AFF1: variants seen among roughly 807,000 people sequenced by gnomAD.
AFF1 encodes ALF transcription elongation factor 1.
In AFF1, 48 loss-of-function variants were observed where a neutral mutation model predicts 121.7. The ratio of observed to expected loss-of-function variants is 0.39; its 90% confidence interval spans 0.31 to 0.50. The LOEUF (loss-of-function observed/expected upper bound fraction) is 0.50. AFF1 is among the 20% of genes least tolerant of loss of function. The probability of loss-of-function intolerance (pLI) is 0.76; values close to 1 mark genes in which losing one functional copy is unlikely to be tolerated. For missense variants in AFF1, 1,523 were observed against 1,511.7 expected (o/e 1.01, Z -0.12); for synonymous variants, 613 against 563.0 (o/e 1.09, Z -1.26).
chr4:87,089,174 G>A (rs1261012486), intron 5 of AFF1, among the ~76,000 whole-genome samples: 1 of 152,152 alleles, frequency 6.6e-6, no homozygotes, highest in Non-Finnish European at 1.5e-5. Context: ...TGGGGTTGTA[G>A]TTAATGGTCT....
chr4:87,073,280 CAAAAAAAAAAAAAAAAAAAA>C (rs55821662), intron 4 of AFF1, among the ~76,000 whole-genome samples: 26 of 83,686 alleles, frequency 3.1e-4, no homozygotes, highest in African/African-American at 8.9e-4. Context: ...GCATTAAAGC[CAAAAAAAAAAAAAAAAAAAA>C]AAAAAAAAAA....
intron 2 of AFF1, among the ~76,000 whole-genome samples, chr4:87,025,478 T>C (rs1243136496): frequency 6.6e-6 from 1 of 152,228 alleles, no homozygotes; most frequent in African/African-American, 2.4e-5. Flanking sequence ...TGTCAGTTCC[T>C]TCCGTCCTGC....
rs1722515332 is a variant in AFF1, at chr4:86,966,042, GTAGT to G, written c.38+17477_38+17480del. ...GTATTCTCCCCTCTTCCCCAGGGTG[GTAGT>G]TAGTTTCTTTTTTCTTTCCTTTTTT... On this transcript the variant is annotated intron_variant, in intron 2 of 20. Coordinates refer to ENST00000395146, the MANE Select transcript of AFF1 (RefSeq NM_001166693.3). Among the ~76,000 whole-genome samples, 5 of 151,362 alleles carry G rather than the reference GTAGT, an allele frequency of 3.3e-5. No homozygotes were observed. In the South Asian group the frequency reaches 1.0e-3, roughly 32 times the overall value.
chr4:87,092,048 C>A (rs188877297), intron 7 of AFF1, among the ~76,000 whole-genome samples: 82 of 152,322 alleles, frequency 5.4e-4, no homozygotes, highest in Non-Finnish European at 1.1e-3. Context: ...CTTTGGGAGT[C>A]CAAGGCAGTT....
At chr4:86,963,826 A>T (rs1253503979) in intron 2 of AFF1, among the ~76,000 whole-genome samples, 1 of 147,060 alleles carries the variant, frequency 6.8e-6, no homozygotes, top group African/African-American at 2.5e-5. Context: ...ACAGTGTCTC[A>T]CTCTGTTGTC....
intron 11 of AFF1, among the ~76,000 whole-genome samples, chr4:87,109,967 A>G (rs1726296987): frequency 6.6e-6 from 1 of 152,102 alleles, no homozygotes. Context: ...TAAGTTTTGA[A>G]TTTTTCCTAA....
chr4:86,977,366 T>G (rs972195837), intron 2 of AFF1, among the ~76,000 whole-genome samples: 2 of 152,192 alleles, frequency 1.3e-5, no homozygotes, highest in African/African-American at 4.8e-5. Context: ...TGTGTGCAAT[T>G]TAAAACTTAT....
intron 2 of AFF1, among the ~76,000 whole-genome samples, chr4:87,035,575 A>AT (rs928119298): frequency 1.8e-4 from 28 of 151,556 alleles, no homozygotes; most frequent in Middle Eastern, 3.2e-3. Context: ...AAAAAAAAAA[A>AT]ATACTCAGGA....
chr4:87,017,062 C>CAT (rs35857395), intron 2 of AFF1, among the ~76,000 whole-genome samples: 7 of 145,852 alleles, frequency 4.8e-5, no homozygotes, highest in Non-Finnish European at 8.9e-5. Context: ...AGACTTTGGA[C>CAT]ATATATATAT....
At chr4:87,124,253 G>T (rs569799420) in intron 12 of AFF1, among the ~76,000 whole-genome samples, 12 of 152,226 alleles carry the variant, frequency 7.9e-5, no homozygotes, top group Non-Finnish European at 2.9e-5. Context: ...CTACTTTCAA[G>T]CTACCAAGTT....
intron 7 of AFF1, among the ~76,000 whole-genome samples, chr4:87,093,993 A>T (rs977889371): frequency 2.0e-5 from 3 of 152,068 alleles, no homozygotes; most frequent in Non-Finnish European, 2.9e-5. Context: ...TAGATCATTG[A>T]TGTGTCTCAT....
chr4:86,953,488 A>G (rs1721520845), intron 2 of AFF1, among the ~76,000 whole-genome samples: 1 of 152,214 alleles, frequency 6.6e-6, no homozygotes, highest in Non-Finnish European at 1.5e-5. Context: ...ATAAGCGTGG[A>G]CAGAATATTA....
intron 19 of AFF1, 134 bp downstream of exon 19, chr4:87,132,542 G>A: frequency 2.7e-6 from 2 of 750,488 alleles, no homozygotes; most frequent in Non-Finnish European, 3.9e-6. Context: ...TCTGTTTGCT[G>A]GTTGCTCCTA....
intron 10 of AFF1, among the ~76,000 whole-genome samples, chr4:87,106,820 A>G (rs1021914191): frequency 2.0e-5 from 3 of 152,220 alleles, no homozygotes; most frequent in Admixed American, 6.5e-5. Flanking sequence ...CTTGTCCATT[A>G]TGCAGGGGAT....
At chr4:87,036,189 G>A (rs1578116551) in intron 2 of AFF1, among the ~76,000 whole-genome samples, 4 of 152,174 alleles carry the variant, frequency 2.6e-5, no homozygotes, top group Non-Finnish European at 5.9e-5. Flanking sequence ...TTTATCTCAG[G>A]TTAAAAAAAT....
intron 2 of AFF1, among the ~76,000 whole-genome samples, chr4:86,981,266 C>T (rs1365878987): frequency 2.0e-5 from 3 of 152,122 alleles, no homozygotes; most frequent in Admixed American, 6.5e-5. Flanking sequence ...CCTGCCTCAG[C>T]CTCCCAAACT....
intron 2 of AFF1, chr4:86,950,092 G>A (rs1721198346): frequency 1.2e-6 from 2 of 1,613,968 alleles, no homozygotes; most frequent in Non-Finnish European, 1.7e-6. Flanking sequence ...AGCCCCAGTA[G>A]TAGGTGCAGT....
In AFF1 at chr4:87,127,261, A is replaced by G. The variant is rs1578313215; in HGVS notation, c.2903+144A>G. ...CTGCAACCTCCACCTCCCGGGTTCA[A>G]GTGATTCTCCTGCCTCAGCCTCCCA... is the stretch of plus-strand genomic sequence containing the variant. On this transcript the variant is annotated intron_variant, in intron 15 of 20. Transcript: ENST00000395146. 1.7e-5 allele frequency: 12 copies of G among 707,344 alleles called. No individual in the cohort carries two copies. In the East Asian group the frequency reaches 3.3e-4, roughly 20 times the overall value. The allele number at this position is 707,344 out of a possible 1,614,324, so 43.8% of individuals were successfully genotyped here. A position where few individuals can be genotyped will look rare whatever the true frequency, so the allele number is the denominator to read the frequency against.
rs373370655 is a variant in AFF1 at position 87,138,379 on chromosome 4, T to TA, written c.*2679dup. ...AGGGCTAGATTATAAAATTAAGCCT[T>TA]AGAGTATGGAAAGTTCTTATAACAA... On this transcript the variant is annotated 3_prime_UTR_variant, in exon 21 of 21. Coordinates refer to ENST00000395146, the MANE Select transcript of AFF1 (RefSeq NM_001166693.3). 1,303 of 232,310 alleles carry TA rather than the reference T, an allele frequency of 5.6e-3. 23 individuals carry two copies. The highest frequency in any genetic ancestry group is 0.027 in the African/African-American group (1,211 of 45,406). 14.4% of individuals were successfully genotyped at this position (232,310 alleles called of 1,614,324 possible).
Sources: gnomAD v4.1 joint callset for allele counts (sites outside exome capture counted in the v4.1 genomes callset) on GRCh38, gnomAD v4.1.1 for gene constraint, MANE v1.5 for transcripts, NCBI Gene and HGNC (gene_info 2026-07-23, HGNC 2026-07-21) for gene names.